The following MCCC1 variants were observed in gnomAD, a reference collection of about 807,000 sequenced individuals.
MCCC1 encodes the protein methylcrotonoyl-CoA carboxylase subunit alpha, mitochondrial.
Under a neutral mutation model 83.8 loss-of-function variants are expected in MCCC1, and 64 were observed. The observed-to-expected ratio is 0.76, with a 90% CI of 0.62 to 0.94. The LOEUF (loss-of-function observed/expected upper bound fraction) is 0.94. MCCC1 is among the 40% of genes least tolerant of loss of function. The probability of loss-of-function intolerance (pLI) is 0.00; values close to 1 mark genes in which losing one functional copy is unlikely to be tolerated. For missense variants in MCCC1, 807 were observed against 904.7 expected (o/e 0.89, Z 1.39); for synonymous variants, 322 against 315.4 (o/e 1.02, Z -0.22).
chr3:183,103,769 C>T (rs1719359452), upstream of MCCC1, among the ~76,000 whole-genome samples: 1 of 152,190 alleles, frequency 6.6e-6, no homozygotes, highest in South Asian at 2.1e-4. Flanking sequence ...CTTGGGTGGT[C>T]GATGGGACTG....
chr3:183,107,416 A>AAAAAAG (rs1332985035), intron 1 of MCCC1, among the ~76,000 whole-genome samples: 6 of 151,418 alleles, frequency 4.0e-5, no homozygotes, highest in East Asian at 3.8e-4. Context: ...CTCAAAAAAA[A>AAAAAAG]AAAAAGAAAA....
chr3:183,104,893 T>C (rs1459668552), intron 1 of MCCC1, among the ~76,000 whole-genome samples: 1 of 152,250 alleles, frequency 6.6e-6, no homozygotes, highest in Non-Finnish European at 1.5e-5. Flanking sequence ...TTACAATATT[T>C]ATCAAAATTG....
intron 1 of MCCC1, among the ~76,000 whole-genome samples, chr3:183,110,770 A>G (rs1187530205): frequency 1.3e-5 from 2 of 152,188 alleles, no homozygotes; most frequent in African/African-American, 2.4e-5. Context: ...CTATAGTTTT[A>G]GATCTTATAT....
At chr3:183,115,466 G>A (rs1466894272) in intron 1 of MCCC1, 1 of 152,230 alleles carries the variant, frequency 6.6e-6, no homozygotes, top group Non-Finnish European at 1.5e-5. Context: ...AACCCCAGGA[G>A]TACTCACCTG....
At chr3:183,090,621 C>T (rs972360563) in intron 3 of MCCC1, among the ~76,000 whole-genome samples, 1 of 150,892 alleles carries the variant, frequency 6.6e-6, no homozygotes, top group Non-Finnish European at 1.5e-5. Context: ...CAGAGTTTCG[C>T]TCTTGTTGCC....
chr3:183,072,091 C>T (rs1716739645), intron 5 of MCCC1, among the ~76,000 whole-genome samples: 1 of 151,954 alleles, frequency 6.6e-6, no homozygotes, highest in Non-Finnish European at 1.5e-5. Context: ...TGGTCTTAAA[C>T]TTCTGGGCTC....
chr3:183,114,051 A>G (rs1719548216), intron 1 of MCCC1, among the ~76,000 whole-genome samples: 2 of 152,176 alleles, frequency 1.3e-5, no homozygotes, highest in South Asian at 4.1e-4. Context: ...CCTCTTCCTC[A>G]AGGACTTAAC....
In MCCC1 at chr3:183,064,214, G is replaced by A. The variant is rs532569204; in HGVS notation, c.761+6785C>T. ...TGTACAGGATGGTGGGACATGGGGA[G>A]CTTTTACCTCCCTAAAAGGAGAAAC... On this transcript the variant is annotated intron_variant, in intron 7 of 18. Transcript: ENST00000265594. The surrounding 1 kb of genome is among the most constrained non-coding windows in gnomAD (Gnocchi z 4.5). Among the ~76,000 whole-genome samples, 564 of 151,886 alleles carry A rather than the reference G, an allele frequency of 3.7e-3. 2 individuals carry two copies. Among genetic ancestry groups the A allele is most frequent in the African/African-American group, 0.013 (533 of 41,508 alleles).
At chr3:183,080,462 A>G (rs1251699793) in intron 4 of MCCC1, among the ~76,000 whole-genome samples, 38 of 152,146 alleles carry the variant, frequency 2.5e-4, no homozygotes, top group Admixed American at 2.5e-3. Flanking sequence ...CAAGTTTCTC[A>G]TCTCCATCTG....
intron 8 of MCCC1, among the ~76,000 whole-genome samples, chr3:183,054,081 C>T (rs1030228089): frequency 3.3e-5 from 5 of 150,722 alleles, no homozygotes; most frequent in African/African-American, 1.2e-4. Context: ...AGGGTTTCAG[C>T]ATGTTGGCCA....
chr3:183,036,686 C>T (rs917585705), intron 13 of MCCC1, among the ~76,000 whole-genome samples: 6 of 151,930 alleles, frequency 3.9e-5, no homozygotes, highest in African/African-American at 1.2e-4. Flanking sequence ...ACTACAGGTG[C>T]GTGCCACCAC....
intron 1 of MCCC1, among the ~76,000 whole-genome samples, chr3:183,096,277 A>C (rs1328834291): frequency 5.9e-5 from 9 of 152,114 alleles, no homozygotes; most frequent in Non-Finnish European, 2.9e-5. Context: ...TGGAGGTTGC[A>C]GTGAGCCAAG....
chr3:183,102,919 T>A (rs755190424), upstream of MCCC1, among the ~76,000 whole-genome samples: 2 of 151,730 alleles, frequency 1.3e-5, no homozygotes, highest in Non-Finnish European at 2.9e-5. Flanking sequence ...CCCGAATAGC[T>A]AGGATTACAG....
intron 3 of MCCC1, among the ~76,000 whole-genome samples, chr3:183,091,603 A>C (rs183884032): frequency 1.1e-3 from 169 of 150,786 alleles, no homozygotes; most frequent in African/African-American, 3.9e-3. Context: ...CAAAACAAAA[A>C]AAACTAGTAA....
chr3:183,080,386 G>A (rs770584321), intron 4 of MCCC1, among the ~76,000 whole-genome samples: 6 of 152,306 alleles, frequency 3.9e-5, no homozygotes, highest in Admixed American at 6.5e-5. Context: ...AATCTCTACA[G>A]CAGGAATAAA....
Position 183,105,818 on chromosome 3 carries a change from AGTGG to A in MCCC1, c.-102+9652_-102+9655del, listed in dbSNP as rs1719393211. 1.3e-5 allele frequency among the ~76,000 whole-genome samples: 2 copies of A among 152,056 alleles called. 1 individual carries two copies. The highest frequency in any genetic ancestry group is 4.2e-4 in the South Asian group (2 of 4,816). On this transcript the variant is annotated intron_variant, in intron 1 of 17. Transcript: ENST00000492597. Reference sequence around the variant, plus strand: ...AAGACTGCCAAAATTGGCCTGGTGCAGTGGCTCACGCCTGTAATCCCAGCATTTT... The same window carrying A: ...AAGACTGCCAAAATTGGCCTGGTGCACTCACGCCTGTAATCCCAGCATTTT...
chr3:183,043,169 A>G (rs1170671484), intron 10 of MCCC1, among the ~76,000 whole-genome samples: 1 of 152,226 alleles, frequency 6.6e-6, no homozygotes, highest in Admixed American at 6.5e-5. Flanking sequence ...ACACGCCTGT[A>G]ATCCCAGCTA....
intron 4 of MCCC1, among the ~76,000 whole-genome samples, chr3:183,075,837 G>A (rs1239961711): frequency 6.6e-6 from 1 of 151,340 alleles, no homozygotes; most frequent in African/African-American, 2.4e-5. Context: ...ACTGTGCCCG[G>A]CTGTCCTTTG....
chr3:183,105,664 C>T (rs1719390856), intron 1 of MCCC1, among the ~76,000 whole-genome samples: 1 of 150,652 alleles, frequency 6.6e-6, no homozygotes, highest in Non-Finnish European at 1.5e-5. Flanking sequence ...TGAAAGTTGT[C>T]ATAATCAAAA....
Sources: gnomAD v4.1 joint callset for allele counts (sites outside exome capture counted in the v4.1 genomes callset) on GRCh38, gnomAD v4.1.1 for gene constraint, Gnocchi (gnomAD v3.1) non-coding constraint, MANE v1.5 for transcripts, NCBI Gene and HGNC (gene_info 2026-07-23, HGNC 2026-07-21) for gene names.